HDAC4: variants seen among roughly 807,000 people sequenced by gnomAD.
HDAC4 encodes the protein histone deacetylase A.
Under a neutral mutation model 135.1 loss-of-function variants are expected in HDAC4, and 16 were observed. The observed-to-expected ratio is 0.12, with a 90% confidence interval of 0.08 to 0.18. The LOEUF is 0.18. Among genes scored for constraint, HDAC4 ranks in the 10% least tolerant of loss-of-function variants. The pLI is 1.00. For synonymous variants in HDAC4, 685 were observed against 653.4 expected, an observed-to-expected ratio of 1.05 and a Z score of -0.74; for missense variants, 1,143 against 1,511.8, an observed-to-expected ratio of 0.76 and a Z score of 4.05.
At chr2:239,208,048 C>A (rs559812795) in intron 3 of HDAC4, among the ~76,000 whole-genome samples, 2 of 151,912 alleles carry the variant, frequency 1.3e-5, no homozygotes, top group Admixed American at 1.3e-4. Context: ...AAAGGCCGGG[C>A]GCGGTGGCTC....
chr2:239,126,757 G>C, intron 11 of HDAC4, 63 bp from the exon 12 acceptor site: 442 of 1,400,382 alleles, frequency 3.2e-4, no homozygotes, highest in Non-Finnish European at 3.9e-4. Context: ...GGGAGAGAGG[G>C]CTATTGAGTA....
intron 1 of HDAC4, among the ~76,000 whole-genome samples, chr2:239,387,783 C>A (rs1695925131): frequency 6.6e-6 from 1 of 152,170 alleles, no homozygotes; most frequent in Admixed American, 6.5e-5. Context: ...AGCCGAGCTC[C>A]TCCTCACTCT....
intron 2 of HDAC4, among the ~76,000 whole-genome samples, chr2:239,304,548 C>T (rs776292197): frequency 5.3e-5 from 8 of 152,154 alleles, no homozygotes; most frequent in South Asian, 2.1e-4. Flanking sequence ...CTTATGCCTG[C>T]GTAAACTTCT....
chr2:239,112,078 G>A (rs1057212340), intron 13 of HDAC4, among the ~76,000 whole-genome samples: 11 of 152,192 alleles, frequency 7.2e-5, no homozygotes, highest in African/African-American at 2.4e-4. Flanking sequence ...CTCTGAGGAG[G>A]TGCTGAGCCA....
In HDAC4 at chr2:239,068,082, C is replaced by T. The variant is rs1015154998; in HGVS notation, c.2869+407G>A. 3.3e-5 allele frequency among the ~76,000 whole-genome samples: 5 copies of T among 152,220 alleles called. No homozygotes were observed. Among genetic ancestry groups the T allele is most frequent in the African/African-American group, 1.2e-4 (5 of 41,454 alleles). The stretch of plus-strand genomic sequence containing the variant: ...ACATCCTGGGCTCCCTCATCCAACT[C>T]TGAACTCAACTGTGCCCCCAGCAAC... On this transcript the variant is annotated intron_variant, in intron 23 of 26. Transcript: ENST00000543185. This position sits in a 1 kb window ranked among gnomAD's most constrained non-coding sequence, Gnocchi z 4.4.
rs916994379 is a variant in HDAC4, at chr2:239,398,858, C to T, written c.-220+2120G>A. ...GCTCCCCCGGGGGCATGCCTGCTGC[C>T]AGCTCCCCTTGCAGGAGAAAGAACC... On this transcript the variant is annotated intron_variant, in intron 1 of 26. Coordinates refer to ENST00000543185, the MANE Select transcript of HDAC4 (RefSeq NM_001378414.1). Among the ~76,000 whole-genome samples the T allele has an allele frequency of 7.9e-5, 12 of 152,254 alleles. 1 individual carries two copies. Among genetic ancestry groups the T allele is most frequent in the Admixed American group, 7.2e-4 (11 of 15,292 alleles).
chr2:239,146,463 G>C lies in HDAC4; in HGVS notation c.734-1749C>G, dbSNP rs1432481449. 6.6e-6 allele frequency among the ~76,000 whole-genome samples: 1 copy of C among 152,102 alleles called. No individual in the cohort carries two copies. The highest frequency in any genetic ancestry group is 1.5e-5 in the Non-Finnish European group (1 of 68,014). On this transcript the variant is annotated intron_variant, in intron 7 of 26. Transcript: ENST00000543185. This position sits in a 1 kb window ranked among gnomAD's most constrained non-coding sequence, Gnocchi z 4.5. ...CTCAGTGGCTGCCCTGCCACATAGAGTGGGACACGTGGCATCGGGAGGCGG... is the reference window on the plus strand; with the variant it reads ...CTCAGTGGCTGCCCTGCCACATAGACTGGGACACGTGGCATCGGGAGGCGG...
chr2:239,094,764 A>G, intron 17 of HDAC4: 1 of 1,366,878 alleles, frequency 7.3e-7, no homozygotes, highest in Non-Finnish European at 9.5e-7. Context: ...TCTTAAAGCG[A>G]GAGCCACTGC....
At chr2:239,357,949 T>C (rs1209526378) in intron 1 of HDAC4, among the ~76,000 whole-genome samples, 1 of 100,926 alleles carries the variant, frequency 9.9e-6, no homozygotes, top group Admixed American at 8.7e-5. Flanking sequence ...ATTGCACAAA[T>C]ATTAAAAGGA....
chr2:239,372,599 G>A (rs1235860420), intron 1 of HDAC4, among the ~76,000 whole-genome samples: 1 of 152,238 alleles, frequency 6.6e-6, no homozygotes, highest in Non-Finnish European at 1.5e-5. Context: ...CGGTACACCA[G>A]GAGCTCTGGT....
chr2:239,085,716 C>T (rs549194922), intron 19 of HDAC4: 6 of 152,382 alleles, frequency 3.9e-5, no homozygotes, highest in Admixed American at 1.3e-4. Flanking sequence ...CCTCCCTGTA[C>T]ACGAAGGACA....
chr2:239,397,549 G>A (rs1559408598), intron 1 of HDAC4, among the ~76,000 whole-genome samples: 1 of 152,104 alleles, frequency 6.6e-6, no homozygotes, highest in Non-Finnish European at 1.5e-5. Flanking sequence ...CCACAGCAAG[G>A]GGACATGTAG....
chr2:239,117,069 C>G (rs10178347), intron 12 of HDAC4, among the ~76,000 whole-genome samples: 6,759 of 152,276 alleles, frequency 0.044, 472 homozygotes, highest in African/African-American at 0.15. Context: ...CGCACATTCA[C>G]TAAAAGGATG....
At chr2:239,082,053 TC>T in intron 21 of HDAC4, 48 bp downstream of exon 21, 1 of 1,539,680 alleles carries the variant, frequency 6.5e-7, no homozygotes, top group Non-Finnish European at 9.0e-7. Context: ...CCACAGCGGC[TC>T]CCCGCAGTCC....
At chr2:239,231,260 T>C (rs2153163293) in intron 3 of HDAC4, among the ~76,000 whole-genome samples, 1 of 152,322 alleles carries the variant, frequency 6.6e-6, no homozygotes, top group South Asian at 2.1e-4. Context: ...CGTGCTTCTC[T>C]TTAGTCCAGC....
At chr2:239,117,459 G>T (rs912627206) in intron 12 of HDAC4, among the ~76,000 whole-genome samples, 4 of 152,004 alleles carry the variant, frequency 2.6e-5, no homozygotes, top group Non-Finnish European at 4.4e-5. Context: ...TTCGTTTTGG[G>T]CAATGGAGCT....
chr2:239,372,020 C>T (rs967146103), intron 1 of HDAC4, among the ~76,000 whole-genome samples: 1 of 152,186 alleles, frequency 6.6e-6, no homozygotes, highest in Non-Finnish European at 1.5e-5. Flanking sequence ...CAGGGCAGGG[C>T]GCGTGGGTGG....
chr2:239,274,369 G>A (rs1394429006), intron 2 of HDAC4, among the ~76,000 whole-genome samples: 1 of 152,064 alleles, frequency 6.6e-6, no homozygotes, highest in African/African-American at 2.4e-5. Context: ...ACACACTTGT[G>A]ATCATTACCA....
chr2:239,132,913 G>A (rs926931705), intron 11 of HDAC4, among the ~76,000 whole-genome samples: 40 of 152,190 alleles, frequency 2.6e-4, no homozygotes, highest in African/African-American at 8.7e-4. Context: ...CTGATCTAGA[G>A]CATCCAAGAG....
Sources: allele counts gnomAD v4.1 joint callset (sites outside exome capture counted in the v4.1 genomes callset), GRCh38; gene constraint gnomAD v4.1.1; non-coding constraint Gnocchi (gnomAD v3.1); transcripts MANE v1.5; gene names NCBI Gene and HGNC (gene_info 2026-07-23, HGNC 2026-07-21).